The following PCDHA2 variants were observed in gnomAD, a reference collection of about 807,000 sequenced individuals.
PCDHA2 encodes protocadherin alpha 2, also known as protocadherin alpha-2.
A neutral mutation model predicts 66.0 loss-of-function variants in PCDHA2; 58 were observed. The ratio of observed to expected loss-of-function variants is 0.88; its 90% CI spans 0.71 to 1.09. The LOEUF (loss-of-function observed/expected upper bound fraction) is 1.09. Ranked by LOEUF, PCDHA2 falls within the 50% of genes least tolerant of loss-of-function variation. PCDHA2 has a pLI of 0.00. For synonymous variants in PCDHA2, 634 were observed against 554.0 expected (o/e 1.14, Z -2.03); for missense variants, 1,267 against 1,242.3 (o/e 1.02, Z -0.30).
chr5:140,830,131 A>T (rs146220689), intron 1 of PCDHA2: 782 of 1,613,064 alleles, frequency 4.8e-4, no homozygotes, highest in Non-Finnish European at 6.4e-4. Context: ...AGGCGTCATC[A>T]CGGGCGTCGG....
intron 1 of PCDHA2, chr5:140,836,474 C>T (rs1774508920): frequency 6.2e-7 from 1 of 1,613,830 alleles, no homozygotes; most frequent in Admixed American, 1.7e-5. Flanking sequence ...TGGATGTCAA[C>T]GTGTACCTGA....
At chr5:140,999,215 C>T (rs1290752092) in intron 3 of PCDHA2, among the ~76,000 whole-genome samples, 1 of 152,140 alleles carries the variant, frequency 6.6e-6, no homozygotes, top group South Asian at 2.1e-4. Context: ...TCTGGAAGTA[C>T]TACATTTGAG....
At chr5:140,843,844 A>T in intron 1 of PCDHA2, 1 of 1,001,286 alleles carries the variant, frequency 1.0e-6, no homozygotes, top group Non-Finnish European at 1.5e-6. Flanking sequence ...GTTTTTAGAA[A>T]CCTTTTATAA....
chr5:140,912,393 G>T (rs1312827248), intron 1 of PCDHA2, among the ~76,000 whole-genome samples: 1 of 147,816 alleles, frequency 6.8e-6, no homozygotes, highest in Admixed American at 6.7e-5. Context: ...TTCTTAATTT[G>T]ATTCTCAGCT....
chr5:140,941,194 TC>T lies in PCDHA2; in HGVS notation c.2389-37754del, dbSNP rs1420421121. 9.3e-3 allele frequency among the ~76,000 whole-genome samples: 1,044 copies of T among 112,328 alleles called. 8 individuals carry two copies. The highest frequency in any genetic ancestry group is 0.018 in the Admixed American group (200 of 11,012). 73.7% of individuals were successfully genotyped at this position (112,328 alleles called of 152,430 possible). The stretch of plus-strand genomic sequence containing the variant: ...CTTGAACATCCTGCTTCTTTTTTTT[TC>T]TTTCTTCCTTTCTTTCTTCCTTTCT... On this transcript the variant is annotated intron_variant, in intron 1 of 3. Coordinates refer to ENST00000526136, the MANE Select transcript of PCDHA2 (RefSeq NM_018905.3).
At chr5:140,834,834 C>T in intron 1 of PCDHA2, 1 of 1,611,930 alleles carries the variant, frequency 6.2e-7, no homozygotes, top group Non-Finnish European at 8.5e-7. Context: ...GCTTGACTCT[C>T]GGTTTCCACT....
chr5:140,884,479 C>A (rs1554181619), intron 1 of PCDHA2: 2 of 1,613,914 alleles, frequency 1.2e-6, no homozygotes, highest in African/African-American at 1.3e-5. Flanking sequence ...CGGGCAAGCC[C>A]ACTCTAGTGT....
At chr5:140,954,653 T>C (rs1467846481) in intron 1 of PCDHA2, among the ~76,000 whole-genome samples, 3 of 152,244 alleles carry the variant, frequency 2.0e-5, no homozygotes, top group Admixed American at 6.5e-5. Flanking sequence ...TTAAGTTCCT[T>C]GTAGACTCTG....
chr5:140,956,960 TAATC>T (rs2307694), intron 1 of PCDHA2, among the ~76,000 whole-genome samples: 47,965 of 151,898 alleles, frequency 0.32, 7,886 homozygotes, highest in East Asian at 0.53. Flanking sequence ...ACACTGTAAT[TAATC>T]AGTCAATTTA....
intron 1 of PCDHA2, chr5:140,862,563 C>T: frequency 2.1e-6 from 1 of 476,978 alleles, no homozygotes; most frequent in Non-Finnish European, 4.3e-6. Context: ...CAGTGAACCA[C>T]AATGCCCTGG....
intron 1 of PCDHA2, among the ~76,000 whole-genome samples, chr5:140,935,985 C>T (rs155825): frequency 0.32 from 47,782 of 150,880 alleles, 7,901 homozygotes; most frequent in East Asian, 0.53. Context: ...CTCTGCCTCC[C>T]GGGTTCAAGC....
intron 1 of PCDHA2, chr5:140,857,582 G>T: frequency 6.3e-7 from 1 of 1,596,726 alleles, no homozygotes; most frequent in Non-Finnish European, 8.6e-7. Flanking sequence ...GGTGCACGCG[G>T]AGAGCGGCAA....
rs782169362 is a variant in PCDHA2, at chr5:140,979,015, T to G, written c.2447+8T>G. Reference sequence around the variant, plus strand: ...GAGAGCAGGCATGCACAGGTATGTATTTCCCTCCTCATTCACTCAGAAGTA... The same window carrying G: ...GAGAGCAGGCATGCACAGGTATGTAGTTCCCTCCTCATTCACTCAGAAGTA... On this transcript the variant is annotated splice_region_variant and intron_variant, in intron 2 of 3. Transcript: ENST00000526136. 3 of 1,613,920 alleles carry G rather than the reference T, an allele frequency of 1.9e-6. No individual in the cohort carries two copies. The highest frequency in any genetic ancestry group is 2.5e-6 in the Non-Finnish European group (3 of 1,179,908).
At chr5:140,875,342 A>G in intron 1 of PCDHA2, 1 of 1,443,152 alleles carries the variant, frequency 6.9e-7, no homozygotes, top group South Asian at 1.5e-5. Flanking sequence ...GATCGACTCC[A>G]TAATGACTGT....
intron 1 of PCDHA2, among the ~76,000 whole-genome samples, chr5:140,958,077 A>C (rs2095408004): frequency 1.3e-5 from 2 of 152,124 alleles, no homozygotes; most frequent in African/African-American, 4.8e-5. Context: ...AGAAGCAAAA[A>C]GTAAAGTTGT....
intron 1 of PCDHA2, chr5:140,930,126 C>T (rs1286889846): frequency 6.6e-6 from 1 of 152,108 alleles, no homozygotes; most frequent in Non-Finnish European, 1.5e-5. Flanking sequence ...GGATATAGGA[C>T]TTGACAACCT....
chr5:140,823,963 G>A (rs1554129675), intron 1 of PCDHA2: 3 of 1,614,110 alleles, frequency 1.9e-6, no homozygotes, highest in South Asian at 2.2e-5. Context: ...CACCGAGGCC[G>A]TGTGCACACG....
chr5:140,829,656 C>A (rs2150172140), intron 1 of PCDHA2: 1 of 1,612,578 alleles, frequency 6.2e-7, no homozygotes, highest in Admixed American at 1.7e-5. Context: ...GCGCTGCAGC[C>A]GCTGGACCAC....
At chr5:140,884,075 T>C (rs2059980601) in intron 1 of PCDHA2, 1 of 1,613,342 alleles carries the variant, frequency 6.2e-7, no homozygotes, top group South Asian at 1.1e-5. Context: ...CGATTCGGGC[T>C]ACAATGCGTG....
Sources: gnomAD v4.1 joint callset for allele counts (sites outside exome capture counted in the v4.1 genomes callset) on GRCh38, gnomAD v4.1.1 for gene constraint, MANE v1.5 for transcripts, NCBI Gene and HGNC (gene_info 2026-07-23, HGNC 2026-07-21) for gene names.